Variants in CNGB3 observed in about 807,000 individuals in gnomAD.
CNGB3 encodes the protein cyclic nucleotide-gated channel beta-3.
CNGB3 carries 86 observed loss-of-function variants against 92.8 expected under a neutral mutation model. The ratio of observed to expected loss-of-function variants is 0.93; its 90% CI spans 0.78 to 1.11. CNGB3 has a LOEUF of 1.11. Ranked by LOEUF, CNGB3 falls within the 50% of genes least tolerant of loss-of-function variation. CNGB3 has a pLI of 0.00. For missense variants in CNGB3, 1,026 were observed against 956.8 expected (o/e 1.07, Z -0.95); for synonymous variants, 333 against 332.7 (o/e 1.00, Z -0.01).
At chr8:86,682,640 G>T (rs959843391) in intron 3 of CNGB3, among the ~76,000 whole-genome samples, 1 of 152,180 alleles carries the variant, frequency 6.6e-6, no homozygotes, top group Non-Finnish European at 1.5e-5. Context: ...TGTGTGGAGA[G>T]CTCCTGGAAG....
rs761181449 is a variant in CNGB3, at chr8:86,714,073, C to T, written c.338+12458G>A. ...ATTACGGTCCACTCTTGGTGTTGAA[C>T]ATTCTATGAGTTAGGACAAATTTAT... On this transcript the variant is annotated intron_variant, in intron 3 of 17. Coordinates refer to ENST00000320005, the MANE Select transcript of CNGB3 (RefSeq NM_019098.5). 1.4e-3 allele frequency among the ~76,000 whole-genome samples: 217 copies of T among 152,158 alleles called. 1 individual carries two copies. The highest frequency in any genetic ancestry group is 2.1e-3 in the Non-Finnish European group (140 of 68,030).
Position 86,714,000 on chromosome 8 carries a change from G to T in CNGB3, c.338+12531C>A, listed in dbSNP as rs553229561. ...AGAGAGTGGTACCTTTGTGACAATCGGTACACCTGCATTGACACATCATTA... is the reference window on the plus strand; with the variant it reads ...AGAGAGTGGTACCTTTGTGACAATCTGTACACCTGCATTGACACATCATTA... On this transcript the variant is annotated intron_variant, in intron 3 of 17. Transcript: ENST00000320005. Among the ~76,000 whole-genome samples, 4 of 151,926 alleles carry T rather than the reference G, an allele frequency of 2.6e-5. No homozygotes were observed. In the South Asian group the frequency reaches 8.4e-4, roughly 32 times the overall value.
chr8:86,630,282 G>T (rs963738523), intron 11 of CNGB3, among the ~76,000 whole-genome samples: 1 of 152,174 alleles, frequency 6.6e-6, no homozygotes, highest in African/African-American at 2.4e-5. Context: ...AAGGCTGGGA[G>T]ACTTGGTATG....
chr8:86,628,829 G>A (rs1043595661), intron 12 of CNGB3, 90 bp downstream of exon 12: 4 of 1,374,380 alleles, frequency 2.9e-6, no homozygotes, highest in Admixed American at 1.7e-5. Flanking sequence ...TCAACCTTTT[G>A]TTCAAATCCA....
intron 3 of CNGB3, among the ~76,000 whole-genome samples, chr8:86,687,820 A>G (rs536750413): frequency 1.7e-4 from 26 of 152,192 alleles, no homozygotes; most frequent in African/African-American, 6.3e-4. Context: ...GAAGCATAGT[A>G]CAGTATAGGA....
chr8:86,587,036 G>C (rs2131541650), intron 15 of CNGB3, among the ~76,000 whole-genome samples: 1 of 148,092 alleles, frequency 6.8e-6, no homozygotes, highest in South Asian at 2.2e-4. Context: ...ATTCTAACTG[G>C]TGTGAGATGG....
chr8:86,684,961 CACAA>C (rs903788191), intron 3 of CNGB3, among the ~76,000 whole-genome samples: 1 of 151,950 alleles, frequency 6.6e-6, no homozygotes, highest in African/African-American at 2.4e-5. Context: ...ATATGCCATA[CACAA>C]ACACACACGC....
intron 3 of CNGB3, among the ~76,000 whole-genome samples, chr8:86,721,116 G>T (rs964346284): frequency 6.6e-6 from 1 of 151,746 alleles, no homozygotes; most frequent in Non-Finnish European, 1.5e-5. Flanking sequence ...AGAGGTGCAC[G>T]CCACCAGCCC....
At chr8:86,652,334 C>T (rs921738381) in intron 7 of CNGB3, among the ~76,000 whole-genome samples, 1 of 151,978 alleles carries the variant, frequency 6.6e-6, no homozygotes, top group Non-Finnish European at 1.5e-5. Flanking sequence ...TAGGACATTA[C>T]TGTACACTAC....
chr8:86,710,380 C>T lies in CNGB3; in HGVS notation c.338+16151G>A, dbSNP rs116195475. 4.0e-3 allele frequency among the ~76,000 whole-genome samples: 613 copies of T among 152,212 alleles called. 2 individuals are homozygous for T. Among genetic ancestry groups the T allele is most frequent in the African/African-American group, 0.014 (577 of 41,536 alleles). ...AGGGAGATATCCCCCACTCCCCACC[C>T]CCATCTCTACTCTTTTCCTCTCACC... On this transcript the variant is annotated intron_variant, in intron 3 of 17. Coordinates refer to ENST00000320005, the MANE Select transcript of CNGB3 (RefSeq NM_019098.5).
intron 2 of CNGB3, 141 bp downstream of exon 2, chr8:86,739,514 T>C: frequency 2.2e-6 from 3 of 1,333,846 alleles, no homozygotes; most frequent in Non-Finnish European, 3.0e-6. Context: ...TTTTGAAATA[T>C]TCAGATCTTC....
intron 2 of CNGB3, among the ~76,000 whole-genome samples, chr8:86,735,144 CTTTTTT>C (rs10689543): frequency 2.5e-5 from 2 of 81,270 alleles, no homozygotes; most frequent in East Asian, 4.3e-4. Flanking sequence ...AAATGGTTGC[CTTTTTT>C]TTTTTTTTTT....
At chr8:86,618,561 A>G (rs12056692) in intron 13 of CNGB3, among the ~76,000 whole-genome samples, 2 of 152,042 alleles carry the variant, frequency 1.3e-5, no homozygotes, top group African/African-American at 4.8e-5. Flanking sequence ...ACATGGCTGC[A>G]GTAGCTGGGC....
At chr8:86,615,729 C>T (rs1822607675) in intron 13 of CNGB3, among the ~76,000 whole-genome samples, 1 of 151,682 alleles carries the variant, frequency 6.6e-6, no homozygotes, top group Non-Finnish European at 1.5e-5. Flanking sequence ...ATGATTCCAC[C>T]TACAAAAATC....
chr8:86,674,008 C>G (rs1233456757), intron 3 of CNGB3, among the ~76,000 whole-genome samples: 2 of 152,132 alleles, frequency 1.3e-5, no homozygotes, highest in African/African-American at 4.8e-5. Flanking sequence ...TCTTCATACT[C>G]CATAAGATCA....
intron 3 of CNGB3, among the ~76,000 whole-genome samples, chr8:86,720,299 A>G (rs567614532): frequency 6.6e-6 from 1 of 152,320 alleles, no homozygotes; most frequent in East Asian, 1.9e-4. Context: ...ACACATCAGC[A>G]AGAAAAAAAA....
chr8:86,631,712 T>G (rs1294700612), intron 11 of CNGB3, among the ~76,000 whole-genome samples: 1 of 152,224 alleles, frequency 6.6e-6, no homozygotes, highest in African/African-American at 2.4e-5. Context: ...TAGCTCTTAG[T>G]GTTCATCTTC....
At position 86,624,551 on chromosome 8, in the gene CNGB3, C is replaced by T. The variant is rs1000025742; in HGVS notation, c.1578+1432G>A. Among the ~76,000 whole-genome samples, 3 of 152,204 alleles carry T rather than the reference C, an allele frequency of 2.0e-5. No homozygotes were observed. The South Asian group carries it at 6.2e-4, about 32-fold the overall frequency. On this transcript the variant is annotated intron_variant, in intron 13 of 17. Transcript: ENST00000320005. Reference sequence around the variant, plus strand: ...TTGCTTCCACCACTCTGCCTTTGCTCCAGCCACTCTGGCTTCCTTGCAGTG... The same window carrying T: ...TTGCTTCCACCACTCTGCCTTTGCTTCAGCCACTCTGGCTTCCTTGCAGTG...
At chr8:86,733,928 C>T (rs1825202040) in intron 2 of CNGB3, among the ~76,000 whole-genome samples, 1 of 152,092 alleles carries the variant, frequency 6.6e-6, no homozygotes, top group Non-Finnish European at 1.5e-5. Context: ...AGTGCAGTGG[C>T]ATGACCATAG....
Sources: allele counts gnomAD v4.1 joint callset (sites outside exome capture counted in the v4.1 genomes callset), GRCh38; gene constraint gnomAD v4.1.1; transcripts MANE v1.5; gene names NCBI Gene and HGNC (gene_info 2026-07-23, HGNC 2026-07-21).